The following DTX2 variants were observed in gnomAD, a reference collection of about 807,000 sequenced individuals.
DTX2 encodes deltex E3 ubiquitin ligase 2.
DTX2 carries 29 observed loss-of-function variants against 55.3 expected under a neutral mutation model. The ratio of observed to expected loss-of-function variants is 0.52; its 90% CI spans 0.39 to 0.71. The LOEUF is 0.71. DTX2 is among the 30% of genes least tolerant of loss of function. DTX2 has a pLI of 0.00. For synonymous variants in DTX2, 276 were observed against 340.4 expected, an observed-to-expected ratio of 0.81 and a Z score of 2.08; for missense variants, 537 against 822.5, an observed-to-expected ratio of 0.65 and a Z score of 4.25.
In DTX2 at chr7:76,480,550, C is replaced by G; in HGVS notation, c.41C>G (p.Thr14Ser). 1 of 1,612,048 alleles carries G rather than the reference C, an allele frequency of 6.2e-7. No individual in the cohort carries two copies. Among genetic ancestry groups the G allele is most frequent in the Non-Finnish European group, 8.5e-7 (1 of 1,179,828 alleles). Residue 14 changes from threonine (T) to serine (S), a missense_variant, in exon 3 of 11, where the codon ACC becomes AGC. Thr to Ser is a moderately conservative substitution (Grantham distance 58). Transcript: ENST00000430490. ...APSPSLVQVY[T>S]SPAAVAVWEW... ...AGCCCTTCCCTGGTGCAGGTGTACA[C>G]CAGCCCCGCGGCTGTGGCCGTGTGG...
rs1809112962 is a variant in DTX2 at position 76,480,854 on chromosome 7, G to A, written c.268+77G>A. The A allele has an allele frequency of 2.6e-5, 38 of 1,456,814 alleles. 1 individual carries two copies. In the South Asian group the frequency reaches 5.3e-4, roughly 20 times the overall value. 90.2% of individuals were successfully genotyped at this position (1,456,814 alleles called of 1,614,324 possible). A position where few individuals can be genotyped will look rare whatever the true frequency, so the allele number is the denominator to read the frequency against. On this transcript the variant is annotated intron_variant, in intron 3 of 10. Coordinates refer to ENST00000430490, the MANE Select transcript of DTX2 (RefSeq NM_001102594.3). ...CACAGGCTCTGCGCCAGGTGTTGGG[G>A]TGATGGACGTGACTTACAGAGCTTC...
rs750239426 is a variant in DTX2 at position 76,482,505 on chromosome 7, T to G, written c.269-3T>G. The stretch of plus-strand genomic sequence containing the variant: ...CTAACCTTTTGTTTTCCTTTGAAAA[T>G]AGGCACCATGCGGGCTGTGCGGAGA... On this transcript the variant is annotated splice_region_variant and splice_polypyrimidine_tract_variant and intron_variant, in intron 3 of 10. Coordinates refer to ENST00000430490, the MANE Select transcript of DTX2 (RefSeq NM_001102594.3). 7 of 1,573,544 alleles carry G rather than the reference T, an allele frequency of 4.4e-6. No individual in the cohort carries two copies. The Admixed American group carries it at 7.4e-5, about 17-fold the overall frequency.
intron 2 of DTX2, among the ~76,000 whole-genome samples, chr7:76,465,027 C>T (rs1584105452): frequency 6.6e-6 from 1 of 150,746 alleles, no homozygotes; most frequent in Non-Finnish European, 1.5e-5. Flanking sequence ...TCAACTTCAC[C>T]TCCCAGGCTC....
At chr7:76,468,465 T>TGAGATGGAGTCTCACTC in intron 2 of DTX2, among the ~76,000 whole-genome samples, 1 of 85,598 alleles carries the variant, frequency 1.2e-5, no homozygotes, top group Admixed American at 1.4e-4. Context: ...TTTTTTTTTT[T>TGAGATGGAGTCTCACTC]TTTTTTTTTT....
chr7:76,469,698 T>G (rs2116197872), intron 2 of DTX2, among the ~76,000 whole-genome samples: 1 of 148,012 alleles, frequency 6.8e-6, no homozygotes, highest in East Asian at 2.0e-4. Context: ...CGGCCAAATA[T>G]TCCAATTTTT....
intron 2 of DTX2, among the ~76,000 whole-genome samples, chr7:76,467,687 T>G (rs1807323143): frequency 7.0e-6 from 1 of 143,652 alleles, no homozygotes; most frequent in African/African-American, 2.6e-5. Context: ...TTCCTGAACA[T>G]AACCCTTGCC....
At chr7:76,472,413 G>A (rs897329657) in intron 2 of DTX2, among the ~76,000 whole-genome samples, 5 of 138,064 alleles carry the variant, frequency 3.6e-5, no homozygotes, top group African/African-American at 5.7e-5. Flanking sequence ...TGCAACCTCC[G>A]CCTCCTGGGT....
At chr7:76,480,828 C>T in intron 3 of DTX2, 51 bp downstream of exon 3, 1 of 1,521,048 alleles carries the variant, frequency 6.6e-7, no homozygotes, top group South Asian at 1.3e-5. Flanking sequence ...ACCTGCTTTC[C>T]CACAGGCTCT....
chr7:76,464,686 C>T (rs1404863725), intron 2 of DTX2, among the ~76,000 whole-genome samples: 2 of 152,062 alleles, frequency 1.3e-5, no homozygotes, highest in African/African-American at 4.8e-5. Context: ...CCTGAGCCAC[C>T]GTGCCTGGCC....
At chr7:76,464,925 G>C (rs1177670121) in intron 2 of DTX2, among the ~76,000 whole-genome samples, 1 of 150,834 alleles carries the variant, frequency 6.6e-6, no homozygotes, top group African/African-American at 2.5e-5. Context: ...TCTTTTTGTT[G>C]TTGTTGTTTT....
At position 76,482,914 on chromosome 7, in the gene DTX2, C is replaced by A; in HGVS notation, c.675C>A (p.Pro225=). 1.9e-6 allele frequency: 3 copies of A among 1,613,796 alleles called. No homozygotes were observed. Among genetic ancestry groups the A allele is most frequent in the Middle Eastern group, 1.7e-4 (1 of 6,054 alleles). ...RHSMTNLPAY[P]VPQHPPHRTA... is the part of the protein sequence containing the mutation. ...CCATGACCAACCTCCCTGCATACCC[C>A]GTCCCCCAGCACCCCCCACACAGGA... Residue 225 remains proline (P), a synonymous_variant, in exon 4 of 11, where the codon CCC becomes CCA. Transcript: ENST00000430490.
Position 76,494,372 on chromosome 7 carries a change from G to A in DTX2, c.1009+2119G>A, listed in dbSNP as rs1317451520. Among the ~76,000 whole-genome samples the A allele has an allele frequency of 1.6e-4, 14 of 89,796 alleles. 4 individuals are homozygous for A. The highest frequency in any genetic ancestry group is 1.6e-3 in the Admixed American group (14 of 8,998). The allele number at this position is 89,796 out of a possible 152,430, so 58.9% of individuals were successfully genotyped here. On this transcript the variant is annotated intron_variant, in intron 5 of 10. Coordinates refer to ENST00000430490, the MANE Select transcript of DTX2 (RefSeq NM_001102594.3). ...CGCCGTAGGGAAATCACAGTGTACC[G>A]TGTGTGCATGTGCGGCCGTGGTGGC...
chr7:76,499,932 G>C, intron 6 of DTX2: 1 of 346,546 alleles, frequency 2.9e-6, no homozygotes, highest in Non-Finnish European at 5.8e-6. Flanking sequence ...GCGTTTCCCG[G>C]GACAGTGTCT....
chr7:76,469,763 C>T lies in DTX2; in HGVS notation c.-90+6054C>T, dbSNP rs563754213. 7.4e-3 allele frequency among the ~76,000 whole-genome samples: 1,111 copies of T among 150,052 alleles called. 15 individuals carry two copies. The highest frequency in any genetic ancestry group is 0.025 in the African/African-American group (1,000 of 40,526). On this transcript the variant is annotated intron_variant, in intron 2 of 10. Coordinates refer to ENST00000430490, the MANE Select transcript of DTX2 (RefSeq NM_001102594.3). ...CCTTAGTAACCCAAGCAAAACACATCTACAGGCCAGTTTGTCCGTCGTCAG... is the reference window on the plus strand; with the variant it reads ...CCTTAGTAACCCAAGCAAAACACATTTACAGGCCAGTTTGTCCGTCGTCAG...
intron 2 of DTX2, among the ~76,000 whole-genome samples, chr7:76,469,636 G>A (rs1807663656): frequency 6.7e-6 from 1 of 149,266 alleles, no homozygotes; most frequent in Non-Finnish European, 1.5e-5. Flanking sequence ...CTCATGATCT[G>A]CCTGCCTCGG....
intron 2 of DTX2, among the ~76,000 whole-genome samples, chr7:76,469,362 T>TA (rs1807604518): frequency 9.3e-4 from 32 of 34,346 alleles, no homozygotes; most frequent in Middle Eastern, 0.015. Flanking sequence ...AAATCTAGAT[T>TA]TTTTTTTTTT....
At chr7:76,477,846 C>T (rs1004946864) in intron 2 of DTX2, among the ~76,000 whole-genome samples, 1 of 143,304 alleles carries the variant, frequency 7.0e-6, no homozygotes, top group Admixed American at 7.1e-5. Flanking sequence ...ATAAATGTCA[C>T]CTTTTATTAA....
In DTX2 at chr7:76,505,505, T is replaced by G; in HGVS notation, c.1773T>G (p.Ile591Met). 6.2e-7 allele frequency: 1 copy of G among 1,609,748 alleles called. No individual in the cohort carries two copies. Among genetic ancestry groups the G allele is most frequent in the Non-Finnish European group, 8.5e-7 (1 of 1,178,260 alleles). ...ACAAGACAGAGATGGACCGCAACAT[T>G]ACGGGCCACGGCTATCCCGACCCCA... The part of the protein sequence containing the change: ...IHHKTEMDRN[I>M]TGHGYPDPNY... Residue 591 changes from isoleucine (I) to methionine (M), a missense_variant, in exon 11 of 11, where the codon ATT (isoleucine) becomes ATG (methionine). By Grantham distance (10) the Ile-to-Met change is conservative. This residue lies in a region of DTX2 where 59 missense variants were observed against 54.1 expected (regional missense o/e 1.09). Coordinates refer to ENST00000430490, the MANE Select transcript of DTX2 (RefSeq NM_001102594.3). This position sits in a 1 kb window ranked among gnomAD's most constrained non-coding sequence, Gnocchi z 4.4.
intron 2 of DTX2, among the ~76,000 whole-genome samples, chr7:76,468,447 CAT>C (rs1491172984): frequency 0.061 from 4,736 of 77,330 alleles, 253 homozygotes; most frequent in East Asian, 0.094. Context: ...GGCCCACTGC[CAT>C]TTTTTTTTTT....
Sources: gnomAD v4.1 joint callset for allele counts (sites outside exome capture counted in the v4.1 genomes callset) on GRCh38, gnomAD v4.1.1 for gene constraint, gnomAD v4.1.1 regional missense constraint, Gnocchi (gnomAD v3.1) non-coding constraint, MANE v1.5 for transcripts, NCBI Gene and HGNC (gene_info 2026-07-23, HGNC 2026-07-21) for gene names.